Variants in NAA16 observed in about 807,000 individuals in gnomAD.
NAA16 encodes the protein N-alpha-acetyltransferase 16, NatA auxiliary subunit, also known as NARG1-like protein.
In NAA16, 97 loss-of-function variants were observed where a neutral mutation model predicts 110.3. The ratio of observed to expected loss-of-function variants is 0.88; its 90% CI spans 0.75 to 1.04. The LOEUF is 1.04. NAA16 is among the 50% of genes least tolerant of loss of function. The probability of loss-of-function intolerance (pLI) is 0.00; values close to 1 mark genes in which losing one functional copy is unlikely to be tolerated. For synonymous variants in NAA16, 372 were observed against 330.6 expected, an observed-to-expected ratio of 1.13 and a Z score of -1.36; for missense variants, 1,017 against 1,005.1, an observed-to-expected ratio of 1.01 and a Z score of -0.16.
At position 41,322,931 on chromosome 13, in the gene NAA16, T is replaced by A; in HGVS notation, c.403-125T>A. The stretch of plus-strand genomic sequence containing the variant: ...TAGGAAACATAAAAAGTACTTCTAT[T>A]TTATTCTGAAACTGATCTTTGTTGA... On this transcript the variant is annotated intron_variant, in intron 4 of 19. Coordinates refer to ENST00000379406, the MANE Select transcript of NAA16 (RefSeq NM_024561.5). The A allele has an allele frequency of 3.3e-6, 3 of 917,418 alleles. No homozygotes were observed. In the South Asian group the frequency reaches 4.3e-5, roughly 13 times the overall value. 56.8% of individuals were successfully genotyped at this position (917,418 alleles called of 1,614,324 possible).
chr13:41,376,900 A>G lies in NAA16; in HGVS notation c.*1298A>G, dbSNP rs1287679761. On this transcript the variant is annotated 3_prime_UTR_variant, in exon 20 of 20. Coordinates refer to ENST00000379406, the MANE Select transcript of NAA16 (RefSeq NM_024561.5). Reference sequence around the variant, plus strand: ...AAGACAAATATACATTCAAAAAGGGAGATTTTATTTAGACACACATTTTCT... The same window carrying G: ...AAGACAAATATACATTCAAAAAGGGGGATTTTATTTAGACACACATTTTCT... 6.6e-6 allele frequency: 1 copy of G among 152,140 alleles called. No individual in the cohort carries two copies. Among genetic ancestry groups the G allele is most frequent in the Non-Finnish European group, 1.5e-5 (1 of 68,018 alleles). The allele number at this position is 152,140 out of a possible 1,614,324, so 9.4% of individuals were successfully genotyped here.
intron 12 of NAA16, among the ~76,000 whole-genome samples, chr13:41,361,334 G>T (rs575370869): frequency 1.6e-4 from 25 of 152,320 alleles, no homozygotes; most frequent in African/African-American, 6.0e-4. Flanking sequence ...GACAATGGAG[G>T]AGGGACACTG....
chr13:41,337,989 A>G (rs368465165), intron 9 of NAA16, among the ~76,000 whole-genome samples: 8 of 152,144 alleles, frequency 5.3e-5, no homozygotes, highest in Non-Finnish European at 1.2e-4. Context: ...AACCCTTACA[A>G]TTCCTTAATG....
At chr13:41,331,649 A>T (rs1593441555) in intron 8 of NAA16, among the ~76,000 whole-genome samples, 1 of 152,062 alleles carries the variant, frequency 6.6e-6, no homozygotes, top group East Asian at 1.9e-4. Flanking sequence ...TGGCAAGGGG[A>T]GTGTGGGGGA....
rs1343200214 is a variant in NAA16 at position 41,369,238 on chromosome 13, A to C, written c.1902A>C (p.Glu634Asp). The C allele has an allele frequency of 1.3e-6, 2 of 1,591,000 alleles. No individual in the cohort carries two copies. Among genetic ancestry groups the C allele is most frequent in the South Asian group, 1.2e-5 (1 of 85,034 alleles). Residue 634 changes from glutamate to aspartate, a missense_variant, in exon 15 of 20, where the codon GAA (glutamate) becomes GAC (aspartate). Physicochemically the swap from Glu to Asp is conservative, Grantham distance 45 (BLOSUM62 2). Coordinates refer to ENST00000379406, the MANE Select transcript of NAA16 (RefSeq NM_024561.5). ...AAAAAAGAGATGAAGAAGAAGAAGA[A>C]GCCAGTGGCCTTAAGGAAGAACTTA... ...QKKKRDEEEE[E>D]ASGLKEELIP...
chr13:41,319,308 A>G (rs2041886633), intron 3 of NAA16, among the ~76,000 whole-genome samples: 1 of 152,160 alleles, frequency 6.6e-6, no homozygotes, highest in South Asian at 2.1e-4. Context: ...TTAGTTAATC[A>G]TATGTTAAAA....
chr13:41,374,645 A>G, intron 18 of NAA16, 97 bp from the exon 19 acceptor site: 1 of 789,386 alleles, frequency 1.3e-6, no homozygotes, highest in South Asian at 1.8e-5. Flanking sequence ...CCACTGATTA[A>G]ACACTTAAAA....
intron 1 of NAA16, 60 bp downstream of exon 1, chr13:41,311,642 C>G: frequency 7.2e-6 from 11 of 1,521,606 alleles, no homozygotes; most frequent in Non-Finnish European, 9.8e-6. Flanking sequence ...GCCTTAAGGG[C>G]AAGCGGTCTG....
At chr13:41,352,074 G>C (rs1038312597) in intron 9 of NAA16, among the ~76,000 whole-genome samples, 1 of 152,216 alleles carries the variant, frequency 6.6e-6, no homozygotes, top group Admixed American at 6.5e-5. Context: ...AGGGCTGGTG[G>C]CTCATGCGTG....
At chr13:41,356,775 C>T (rs923379095) in intron 10 of NAA16, among the ~76,000 whole-genome samples, 3 of 152,152 alleles carry the variant, frequency 2.0e-5, no homozygotes, top group Non-Finnish European at 4.4e-5. Flanking sequence ...TTACATATCC[C>T]ATATTCTAGA....
intron 12 of NAA16, 21 bp downstream of exon 12, chr13:41,358,983 G>A: frequency 6.4e-7 from 1 of 1,565,572 alleles, no homozygotes. Flanking sequence ...GCATGCATGA[G>A]CATGTAATTG....
In NAA16 at chr13:41,336,664, G is replaced by T; in HGVS notation, c.922G>T (p.Glu308Ter). 1 of 1,593,578 alleles carries T rather than the reference G, an allele frequency of 6.3e-7. No homozygotes were observed. Among genetic ancestry groups the T allele is most frequent in the Non-Finnish European group, 8.6e-7 (1 of 1,168,600 alleles). The change falls in exon 9 of 20, where the codon GAA becomes TAA. Residue 308 changes from glutamate (E) to a stop codon, truncating the protein, a stop_gained. Coordinates refer to ENST00000379406, the MANE Select transcript of NAA16 (RefSeq NM_024561.5). LOFTEE classifies it high-confidence loss of function. Reference sequence around the variant, plus strand: ...TTTGTTTCTAGGTGAAAGATTTAGAGAACTAATGGATAAGTTCCTGAGGGT... The same window carrying T: ...TTTGTTTCTAGGTGAAAGATTTAGATAACTAATGGATAAGTTCCTGAGGGT... ...LTLVPGERFR[E>*]LMDKFLRVNF... is the part of the protein sequence containing the mutation.
In NAA16 at chr13:41,372,742, G is replaced by T. The variant is rs770151570; in HGVS notation, c.2067G>T (p.Leu689=). Residue 689 remains leucine, a synonymous_variant, in exon 17 of 20, where the codon CTG becomes CTT. Transcript: ENST00000379406. ...TTTTTTCTGACACAGGAAAGTTTCT[G>T]TTAATGCTGCAGTCTGTCAAACGAG... ...FEIYFRKGKF[L]LMLQSVKRAF... 6.3e-7 allele frequency: 1 copy of T among 1,594,706 alleles called. No individual in the cohort carries two copies. Among genetic ancestry groups the T allele is most frequent in the African/African-American group, 1.3e-5 (1 of 74,562 alleles).
intron 13 of NAA16, among the ~76,000 whole-genome samples, chr13:41,367,199 G>A (rs527826588): frequency 2.0e-5 from 3 of 152,206 alleles, no homozygotes; most frequent in Admixed American, 1.3e-4. Context: ...TTATATAGAA[G>A]TTGAGTATCA....
At chr13:41,342,735 C>T (rs1263305372) in intron 9 of NAA16, among the ~76,000 whole-genome samples, 1 of 152,118 alleles carries the variant, frequency 6.6e-6, no homozygotes, top group African/African-American at 2.4e-5. Context: ...ATAAGTTGTC[C>T]AGTGGGACAG....
At chr13:41,353,555 A>T (rs1430030944) in intron 9 of NAA16, among the ~76,000 whole-genome samples, 24 of 151,306 alleles carry the variant, frequency 1.6e-4, no homozygotes. Context: ...GCTTGAGCCC[A>T]GGAGTTCCAG....
intron 9 of NAA16, among the ~76,000 whole-genome samples, chr13:41,350,609 T>G (rs1186901723): frequency 1.4e-3 from 23 of 16,152 alleles, no homozygotes; most frequent in South Asian, 6.6e-3. Flanking sequence ...TTTTTTTTGT[T>G]TTTTTTTTTT....
At chr13:41,357,587 T>A (rs1319416462) in intron 10 of NAA16, among the ~76,000 whole-genome samples, 2 of 152,168 alleles carry the variant, frequency 1.3e-5, no homozygotes, top group Admixed American at 1.3e-4. Context: ...TTTGATGTAG[T>A]GTGGGTATAT....
At chr13:41,327,286 C>A (rs776259180) in intron 6 of NAA16, among the ~76,000 whole-genome samples, 12 of 151,920 alleles carry the variant, frequency 7.9e-5, no homozygotes, top group Non-Finnish European at 1.8e-4. Context: ...TGTTCTGTTA[C>A]TTATTGATGG....
Sources: allele counts gnomAD v4.1 joint callset (sites outside exome capture counted in the v4.1 genomes callset), GRCh38; gene constraint gnomAD v4.1.1; transcripts MANE v1.5; gene names NCBI Gene and HGNC (gene_info 2026-07-23, HGNC 2026-07-21).